The following ANGPTL5 variants were observed in gnomAD, a reference collection of about 807,000 sequenced individuals.
The protein encoded by ANGPTL5 is angiopoietin like 5, also known as angiopoietin-related protein 5.
A neutral mutation model predicts 39.4 loss-of-function variants in ANGPTL5; 34 were observed. The observed-to-expected ratio is 0.86, with a 90% confidence interval of 0.66 to 1.15. ANGPTL5 has a LOEUF of 1.15. ANGPTL5 is among the 50% of genes most tolerant of loss of function. The pLI, the probability that ANGPTL5 is intolerant of heterozygous loss-of-function variation, is 0.00. For synonymous variants in ANGPTL5, 146 were observed against 152.1 expected, an observed-to-expected ratio of 0.96 and a Z score of 0.29; for missense variants, 467 against 457.5, an observed-to-expected ratio of 1.02 and a Z score of -0.19.
Position 101,895,079 on chromosome 11 carries a change from C to G in ANGPTL5, c.662-15G>C. The G allele has an allele frequency of 6.6e-7, 1 of 1,521,680 alleles. No homozygotes were observed. The highest frequency in any genetic ancestry group is 9.0e-7 in the Non-Finnish European group (1 of 1,110,726). 94.3% of individuals were successfully genotyped at this position (1,521,680 alleles called of 1,614,324 possible). On this transcript the variant is annotated splice_polypyrimidine_tract_variant and intron_variant, in intron 7 of 8. Transcript: ENST00000334289. ...CCAAAATTCTCCTGTAAAAAAAATG[C>G]TTTGTTTTAATATATTTTAATACAA...
intron 6 of ANGPTL5, among the ~76,000 whole-genome samples, chr11:101,902,137 T>A (rs1242394628): frequency 6.6e-6 from 1 of 152,166 alleles, no homozygotes; most frequent in Non-Finnish European, 1.5e-5. Context: ...GGTTTTTTAA[T>A]TATTAATTTC....
At chr11:101,913,722 G>A (rs1263229114) in intron 1 of ANGPTL5, among the ~76,000 whole-genome samples, 1 of 152,054 alleles carries the variant, frequency 6.6e-6, no homozygotes, top group African/African-American at 2.4e-5. Context: ...AGCTAACCAT[G>A]CCTAAATATT....
intron 8 of ANGPTL5, among the ~76,000 whole-genome samples, chr11:101,892,963 T>C (rs1182707135): frequency 2.0e-5 from 3 of 152,184 alleles, no homozygotes; most frequent in Non-Finnish European, 4.4e-5. Context: ...TCAGAGAATA[T>C]ATAATCTCCA....
At chr11:101,915,048 G>T in intron 1 of ANGPTL5, 1 of 482,668 alleles carries the variant, frequency 2.1e-6, no homozygotes, top group Non-Finnish European at 3.6e-6. Flanking sequence ...CTGCAGGGTT[G>T]CTGCCGCCCC....
intron 3 of ANGPTL5, among the ~76,000 whole-genome samples, chr11:101,906,284 C>T (rs1939996133): frequency 1.3e-5 from 2 of 152,050 alleles, no homozygotes; most frequent in Admixed American, 6.6e-5. Context: ...TCTATTAATA[C>T]TATATTTACA....
intron 1 of ANGPTL5, chr11:101,915,145 T>C: frequency 7.6e-7 from 1 of 1,319,136 alleles, no homozygotes; most frequent in Non-Finnish European, 1.0e-6. Context: ...GCTAGGGCTG[T>C]CGAGGCCAAC....
In ANGPTL5 at chr11:101,913,500, G is replaced by A. The variant is rs188058260; in HGVS notation, c.-93+2519C>T. The stretch of plus-strand genomic sequence containing the variant: ...GTTGGAGGCACACTCCCAGCTTGTG[G>A]GATGGCCCTCCTTTCAGGCTGTAAC... On this transcript the variant is annotated intron_variant, in intron 1 of 8. Transcript: ENST00000334289. Among the ~76,000 whole-genome samples the A allele has an allele frequency of 3.5e-3, 532 of 152,246 alleles. 3 individuals carry two copies. Among genetic ancestry groups the A allele is most frequent in the African/African-American group, 0.012 (505 of 41,542 alleles).
chr11:101,916,263 A>G lies in ANGPTL5; in HGVS notation c.-337T>C, dbSNP rs1027051851. Reference sequence around the variant, plus strand: ...CTTATCCCCTTTGTCTCCAATTTCTAGGATGTTCTTTGTACTCTGTTACAA... The same window carrying G: ...CTTATCCCCTTTGTCTCCAATTTCTGGGATGTTCTTTGTACTCTGTTACAA... On this transcript the variant is annotated 5_prime_UTR_variant, in exon 1 of 9. Coordinates refer to ENST00000334289, the MANE Select transcript of ANGPTL5 (RefSeq NM_178127.5). 1 of 152,152 alleles carries G rather than the reference A, an allele frequency of 6.6e-6. No homozygotes were observed. The highest frequency in any genetic ancestry group is 2.4e-5 in the African/African-American group (1 of 41,426). 9.4% of individuals were successfully genotyped at this position (152,152 alleles called of 1,614,324 possible).
chr11:101,915,746 C>T (rs1940196534), intron 1 of ANGPTL5, among the ~76,000 whole-genome samples: 1 of 152,156 alleles, frequency 6.6e-6, no homozygotes, highest in African/African-American at 2.4e-5. Flanking sequence ...TAACTACTTC[C>T]TGATTTATCG....
At chr11:101,899,772 T>A (rs11225054) in intron 7 of ANGPTL5, among the ~76,000 whole-genome samples, 12,124 of 152,194 alleles carry the variant, frequency 0.08, 736 homozygotes, top group East Asian at 0.31. Context: ...AGATTTACAA[T>A]TATAAAAACA....
chr11:101,916,407 AAAAT>A lies in ANGPTL5; in HGVS notation c.-485_-482del, dbSNP rs1171633551. 4 of 152,346 alleles carry A rather than the reference AAAAT, an allele frequency of 2.6e-5. No homozygotes were observed. In the East Asian group the frequency reaches 5.8e-4, roughly 22 times the overall value. The allele number at this position is 152,346 out of a possible 1,614,324, so 9.4% of individuals were successfully genotyped here. ...ATGTGTATAGAGCTTCACTAAAAGT[AAAAT>A]ATCTCTTCTCCGATCATGCTTTCTG... On this transcript the variant is annotated 5_prime_UTR_variant, in exon 1 of 9. It introduces an in-frame stop codon into an upstream open reading frame of the 5' UTR. Transcript: ENST00000334289.
intron 7 of ANGPTL5, 69 bp from the exon 8 acceptor site, chr11:101,895,133 T>C: frequency 7.8e-7 from 1 of 1,280,584 alleles, no homozygotes; most frequent in Admixed American, 2.5e-5. Context: ...TATTGAATGT[T>C]TGGTCTTGTT....
chr11:101,915,610 T>A (rs1280499699), intron 1 of ANGPTL5, among the ~76,000 whole-genome samples: 1 of 152,134 alleles, frequency 6.6e-6, no homozygotes, highest in Non-Finnish European at 1.5e-5. Flanking sequence ...TGTGGCTGCT[T>A]CCCCCCATCA....
At chr11:101,899,294 T>G (rs1939852979) in intron 7 of ANGPTL5, among the ~76,000 whole-genome samples, 2 of 152,162 alleles carry the variant, frequency 1.3e-5, no homozygotes, top group Admixed American at 6.5e-5. Flanking sequence ...GAGACATGGT[T>G]TCAACATGTT....
chr11:101,907,102 C>CTACACATGAAATG lies in ANGPTL5; in HGVS notation c.229_241dup (p.Arg81ThrfsTer5). On this transcript the variant is annotated stop_gained and frameshift_variant and splice_region_variant. Coordinates refer to ENST00000334289, the MANE Select transcript of ANGPTL5 (RefSeq NM_178127.5). LOFTEE classifies it high-confidence loss of function. The stretch of plus-strand genomic sequence containing the variant: ...TTATTTTGTTTATTTTTAATACTTA[C>CTACACATGAAATG]TACACATGAAATGTTTTTCTTCTCG... 2 of 1,558,266 alleles carry CTACACATGAAATG rather than the reference C, an allele frequency of 1.3e-6. No homozygotes were observed. The highest frequency in any genetic ancestry group is 8.8e-7 in the Non-Finnish European group (1 of 1,135,386).
At chr11:101,909,839 G>A (rs1294938388) in intron 1 of ANGPTL5, among the ~76,000 whole-genome samples, 1 of 152,218 alleles carries the variant, frequency 6.6e-6, no homozygotes, top group Non-Finnish European at 1.5e-5. Context: ...TTCCTCTGTA[G>A]CAAACTGCAG....
In ANGPTL5 at chr11:101,902,797, A is replaced by T. The variant is rs896556688; in HGVS notation, c.440-76T>A. 22 of 889,540 alleles carry T rather than the reference A, an allele frequency of 2.5e-5. No homozygotes were observed. In the African/African-American group the frequency reaches 3.5e-4, roughly 14 times the overall value. The allele number at this position is 889,540 out of a possible 1,614,324, so 55.1% of individuals were successfully genotyped here. On this transcript the variant is annotated intron_variant, in intron 5 of 8. Coordinates refer to ENST00000334289, the MANE Select transcript of ANGPTL5 (RefSeq NM_178127.5). The stretch of plus-strand genomic sequence containing the variant: ...GCAATCATTTTACTATAGAGAATTG[A>T]TAGTGCTATTATCATAATTTTCATT...
chr11:101,912,522 G>A (rs1189759286), intron 1 of ANGPTL5, among the ~76,000 whole-genome samples: 2 of 151,936 alleles, frequency 1.3e-5, no homozygotes, highest in Admixed American at 1.3e-4. Context: ...AACTTAAATA[G>A]AATGTGGAAA....
intron 3 of ANGPTL5, 118 bp downstream of exon 3, chr11:101,906,985 A>C (rs989513659): frequency 3.2e-5 from 24 of 757,344 alleles, no homozygotes; most frequent in Non-Finnish European, 4.2e-5. Context: ...CTTCTGGCCT[A>C]GGATGATCAG....
Sources: gnomAD v4.1 joint callset for allele counts (sites outside exome capture counted in the v4.1 genomes callset) on GRCh38, gnomAD v4.1.1 for gene constraint, MANE v1.5 for transcripts, NCBI Gene and HGNC (gene_info 2026-07-23, HGNC 2026-07-21) for gene names.